ZNF112: variants seen among roughly 807,000 people sequenced by gnomAD.
ZNF112 encodes the protein zinc finger protein 112 (Y14).
A neutral mutation model predicts 77.7 loss-of-function variants in ZNF112; 37 were observed. The ratio of observed to expected loss-of-function variants is 0.48; its 90% confidence interval spans 0.37 to 0.63. ZNF112 has a LOEUF of 0.63. ZNF112 is among the 20% of genes least tolerant of loss of function. The pLI is 0.00. For missense variants in ZNF112, 950 were observed against 1,077.4 expected, an observed-to-expected ratio of 0.88 and a Z score of 1.66; for synonymous variants, 333 against 363.6, an observed-to-expected ratio of 0.92 and a Z score of 0.96.
upstream of ZNF112, among the ~76,000 whole-genome samples, chr19:44,361,462 G>A (rs1257956541): frequency 3.9e-5 from 6 of 152,084 alleles, no homozygotes; most frequent in Admixed American, 6.5e-5. Flanking sequence ...GTATTATTCA[G>A]CCATAAAAAG....
chr19:44,364,209 C>T (rs1404454033), intron 1 of ZNF112, among the ~76,000 whole-genome samples: 1 of 152,134 alleles, frequency 6.6e-6, no homozygotes, highest in African/African-American at 2.4e-5. Context: ...CATGCCTGGC[C>T]TGTTATCAGT....
chr19:44,366,549 T>C (rs1046084969), intron 1 of ZNF112, among the ~76,000 whole-genome samples: 10 of 152,184 alleles, frequency 6.6e-5, no homozygotes, highest in African/African-American at 2.4e-4. Context: ...TCCTCATTCC[T>C]GTGACCATCT....
chr19:44,361,975 CAAT>C (rs1174949540), intron 1 of ZNF112, among the ~76,000 whole-genome samples: 25 of 152,092 alleles, frequency 1.6e-4, no homozygotes, highest in African/African-American at 6.0e-4. Flanking sequence ...TTTAAAAAAT[CAAT>C]GATATGTTTC....
chr19:44,352,907 A>T (rs1970718620), intron 1 of ZNF112, among the ~76,000 whole-genome samples: 1 of 152,094 alleles, frequency 6.6e-6, no homozygotes, highest in Non-Finnish European at 1.5e-5. Flanking sequence ...CAATGTGATA[A>T]AGACGGATCT....
At chr19:44,356,059 T>G (rs1232604280) in intron 1 of ZNF112, among the ~76,000 whole-genome samples, 1 of 152,130 alleles carries the variant, frequency 6.6e-6, no homozygotes, top group African/African-American at 2.4e-5. Context: ...GATCCTGTCC[T>G]AAAGAAAAAT....
At chr19:44,333,620 A>C (rs968762855) in intron 3 of ZNF112, among the ~76,000 whole-genome samples, 3 of 152,166 alleles carry the variant, frequency 2.0e-5, no homozygotes, top group African/African-American at 7.2e-5. Context: ...GTTTGAAAGC[A>C]TGTAGCACTT....
intron 2 of ZNF112, among the ~76,000 whole-genome samples, chr19:44,338,655 T>C (rs1415696067): frequency 6.6e-6 from 1 of 152,116 alleles, no homozygotes; most frequent in Non-Finnish European, 1.5e-5. Flanking sequence ...AATGTTACTG[T>C]CATAAAAGAG....
At chr19:44,341,024 T>C (rs1970479589) in intron 1 of ZNF112, 1 of 402,316 alleles carries the variant, frequency 2.5e-6, no homozygotes. Context: ...TGACTGCCTG[T>C]GTCTGGATCT....
intron 3 of ZNF112, 72 bp downstream of exon 3, chr19:44,336,551 G>C (rs1970369891): frequency 2.3e-6 from 3 of 1,291,900 alleles, no homozygotes; most frequent in Admixed American, 1.7e-5. Context: ...CTTAAACAGA[G>C]AAGTGATGTG....
intron 1 of ZNF112, among the ~76,000 whole-genome samples, chr19:44,363,150 T>C (rs4614843): frequency 6.6e-6 from 1 of 151,544 alleles, no homozygotes. Context: ...TTTTTTTTTT[T>C]TGCAAAGATG....
At chr19:44,363,950 T>A (rs1336618364) in intron 1 of ZNF112, among the ~76,000 whole-genome samples, 1 of 152,130 alleles carries the variant, frequency 6.6e-6, no homozygotes, top group Non-Finnish European at 1.5e-5. Context: ...ACTCTTGTCA[T>A]GCAGGCTGGA....
chr19:44,342,176 CACAG>C (rs1970501636), intron 1 of ZNF112, among the ~76,000 whole-genome samples: 1 of 152,194 alleles, frequency 6.6e-6, no homozygotes, highest in Admixed American at 6.5e-5. Context: ...ATGAAACACA[CACAG>C]ACATACAAAC....
At chr19:44,337,414 A>AATATATATTATATATATTTTATATAT (rs1199666176) in intron 2 of ZNF112, among the ~76,000 whole-genome samples, 2 of 27,544 alleles carry the variant, frequency 7.3e-5, no homozygotes, top group African/African-American at 2.4e-4. Flanking sequence ...TTTTATATAT[A>AATATATATTATATATATTTTATATAT]ATAATATATA....
Position 44,329,016 on chromosome 19 carries a change from G to A in ZNF112, c.1141C>T (p.His381Tyr). The stretch of plus-strand genomic sequence containing the variant: ...ACATTCTCATTTTCCTCATATTCAT[G>A]GGGTTCATCCCTAGTATGGACCCTA... ...IFRVHTRDEP[H>Y]EYEENENVFN... The change falls in exon 4 of 4, where the codon CAT (histidine) becomes TAT (tyrosine). Residue 381 changes from histidine to tyrosine, a missense_variant. Physicochemically the swap from His to Tyr is moderately conservative, Grantham distance 83. Around this residue, in one of 3 missense-constraint regions of ZNF112, gnomAD observed 560 missense variants for 557.3 expected, o/e 1.00. Coordinates refer to ENST00000354340, the MANE Select transcript of ZNF112 (RefSeq NM_013380.4). The A allele has an allele frequency of 6.2e-7, 1 of 1,613,852 alleles. No individual in the cohort carries two copies. Among genetic ancestry groups the A allele is most frequent in the Non-Finnish European group, 8.5e-7 (1 of 1,179,948 alleles).
At position 44,329,037 on chromosome 19, in the gene ZNF112, C is replaced by T. The variant is rs760816418; in HGVS notation, c.1120G>A (p.Val374Ile). ...TCATGGGGTTCATCCCTAGTATGGA[C>T]CCTAAAAATACTATTAAGGTCTAAG... ...HSLDLNSIFRVHTRDEPHEYE... is the reference protein window; with the variant it reads ...HSLDLNSIFRIHTRDEPHEYE... Residue 374 changes from valine (V) to isoleucine (I), a missense_variant, in exon 4 of 4, where the codon GTC becomes ATC. Around this residue, in one of 3 missense-constraint regions of ZNF112, gnomAD observed 560 missense variants for 557.3 expected, o/e 1.00. Coordinates refer to ENST00000354340, the MANE Select transcript of ZNF112 (RefSeq NM_013380.4). The T allele has an allele frequency of 6.2e-6, 10 of 1,613,668 alleles. 1 individual carries two copies. In the South Asian group the frequency reaches 1.1e-4, roughly 18 times the overall value.
chr19:44,328,364 G>T lies in ZNF112; in HGVS notation c.1793C>A (p.Thr598Asn). The T allele has an allele frequency of 1.2e-6, 2 of 1,613,872 alleles. No individual in the cohort carries two copies. Among genetic ancestry groups the T allele is most frequent in the Non-Finnish European group, 1.7e-6 (2 of 1,179,970 alleles). The change falls in exon 4 of 4, where the codon ACT (threonine) becomes AAT (asparagine). Residue 598 changes from threonine to asparagine, a missense_variant. This residue lies in a region of ZNF112 where 373 missense variants were observed against 482.8 expected (regional missense o/e 0.77). Coordinates refer to ENST00000354340, the MANE Select transcript of ZNF112 (RefSeq NM_013380.4). ...CTCACACTTGTATGGTTTTTCTCCA[G>T]TGTGAACTCTCTGATGGCCTTGAAG... ...SYLQGHQRVH[T>N]GEKPYKCEEC...
chr19:44,351,302 G>A (rs752635339), intron 1 of ZNF112, among the ~76,000 whole-genome samples: 9 of 152,050 alleles, frequency 5.9e-5, no homozygotes, highest in Non-Finnish European at 1.3e-4. Context: ...CATACCATGT[G>A]AAGTAACATT....
At chr19:44,343,671 C>A (rs1970534150) in intron 1 of ZNF112, among the ~76,000 whole-genome samples, 1 of 152,168 alleles carries the variant, frequency 6.6e-6, no homozygotes, top group Admixed American at 6.5e-5. Flanking sequence ...TGCTGAGTAA[C>A]CATGGTTAAA....
At chr19:44,359,602 G>A (rs1376568168), upstream of ZNF112, among the ~76,000 whole-genome samples, 14 of 152,124 alleles carry the variant, frequency 9.2e-5, no homozygotes, top group Admixed American at 2.6e-4. Flanking sequence ...CATTACAGGC[G>A]TGAGCCACTG....
Sources: gnomAD v4.1 joint callset for allele counts (sites outside exome capture counted in the v4.1 genomes callset) on GRCh38, gnomAD v4.1.1 for gene constraint, gnomAD v4.1.1 regional missense constraint, MANE v1.5 for transcripts, NCBI Gene and HGNC (gene_info 2026-07-23, HGNC 2026-07-21) for gene names.